DENND6A: variants seen among roughly 807,000 people sequenced by gnomAD.
DENND6A encodes the protein protein DENND6A.
A neutral mutation model predicts 95.5 loss-of-function variants in DENND6A; 43 were observed. That is an observed-to-expected ratio of 0.45 (90% confidence interval 0.35 to 0.58). The LOEUF is 0.58. Ranked by LOEUF, DENND6A falls within the 20% of genes least tolerant of loss-of-function variation. The probability of loss-of-function intolerance (pLI) is 0.00; values close to 1 mark genes in which losing one functional copy is unlikely to be tolerated. For synonymous variants in DENND6A, 257 were observed against 260.4 expected (o/e 0.99, Z 0.13); for missense variants, 574 against 736.0 (o/e 0.78, Z 2.55).
chr3:57,688,210 G>A (rs1047703767), intron 1 of DENND6A, among the ~76,000 whole-genome samples: 1 of 151,772 alleles, frequency 6.6e-6, no homozygotes, highest in Non-Finnish European at 1.5e-5. Flanking sequence ...TGGCTACGGC[G>A]GTCTCGAACT....
intron 15 of DENND6A, among the ~76,000 whole-genome samples, chr3:57,633,011 T>TTTC (rs1407004812): frequency 1.3e-5 from 2 of 152,148 alleles, no homozygotes; most frequent in Non-Finnish European, 2.9e-5. Context: ...AAAAGGTACT[T>TTTC]AGGAAAGTGG....
At chr3:57,643,124 T>A (rs2070987558) in intron 11 of DENND6A, among the ~76,000 whole-genome samples, 1 of 151,734 alleles carries the variant, frequency 6.6e-6, no homozygotes, top group Admixed American at 6.6e-5. Flanking sequence ...GCAGTAAGAC[T>A]GGAAAGGGAG....
Position 57,692,922 on chromosome 3 carries a change from C to A in DENND6A, c.97G>T (p.Val33Leu), listed in dbSNP as rs1328316869. The change falls in exon 1 of 20, where the codon GTG becomes TTG. Residue 33 changes from valine to leucine, a missense_variant. Val to Leu is a conservative substitution (Grantham distance 32). This residue lies in a region of DENND6A where 122 missense variants were observed against 105.1 expected (regional missense o/e 1.16). Transcript: ENST00000311128. ...TCCTCTGGCGCGCCTCCCGCCGCCA[C>A]AAGGGCCGGCGCCTCGCGGCCCTCG... Reference protein sequence around the residue: ...GAEGREAPALVAAGGAPEDDE... With the variant: ...GAEGREAPALLAAGGAPEDDE... The A allele has an allele frequency of 1.9e-6, 3 of 1,567,206 alleles. No individual in the cohort carries two copies. Among genetic ancestry groups the A allele is most frequent in the Non-Finnish European group, 8.6e-7 (1 of 1,162,702 alleles).
At chr3:57,632,082 C>G (rs536995206) in intron 15 of DENND6A, among the ~76,000 whole-genome samples, 1 of 145,374 alleles carries the variant, frequency 6.9e-6, no homozygotes, top group Admixed American at 7.1e-5. Context: ...TGCAGTGGCG[C>G]GATCTCAGCT....
intron 1 of DENND6A, among the ~76,000 whole-genome samples, chr3:57,689,943 A>T (rs2077245623): frequency 6.6e-6 from 1 of 151,580 alleles, no homozygotes; most frequent in Non-Finnish European, 1.5e-5. Context: ...GCATGTCTGT[A>T]TTCATAGATA....
At chr3:57,675,117 G>A (rs2071688843) in intron 1 of DENND6A, among the ~76,000 whole-genome samples, 2 of 152,130 alleles carry the variant, frequency 1.3e-5, no homozygotes, top group South Asian at 4.1e-4. Context: ...ACTTTTACAT[G>A]TACCCAGAAA....
At chr3:57,676,319 G>A (rs553800231) in intron 1 of DENND6A, among the ~76,000 whole-genome samples, 34 of 144,902 alleles carry the variant, frequency 2.3e-4, no homozygotes, top group Admixed American at 4.4e-4. Context: ...GGCAGAGGTT[G>A]CAGTGAGCTG....
chr3:57,653,123 A>G (rs1420419413), intron 9 of DENND6A, among the ~76,000 whole-genome samples: 1 of 152,232 alleles, frequency 6.6e-6, no homozygotes. Flanking sequence ...ATGGTTTGGG[A>G]AAAAAGTCTT....
intron 9 of DENND6A, 125 bp from the exon 10 acceptor site, chr3:57,646,563 G>T: frequency 7.7e-7 from 1 of 1,300,528 alleles, no homozygotes; most frequent in Non-Finnish European, 1.0e-6. Flanking sequence ...ATCCTGATCT[G>T]ATACACAAAT....
chr3:57,653,732 C>T (rs1192125965), intron 9 of DENND6A, among the ~76,000 whole-genome samples: 95 of 129,400 alleles, frequency 7.3e-4, no homozygotes, highest in African/African-American at 2.5e-3. Flanking sequence ...GGCGACAGAG[C>T]GAGACTCCAT....
intron 14 of DENND6A, among the ~76,000 whole-genome samples, chr3:57,633,714 C>A (rs1179206374): frequency 2.6e-5 from 4 of 151,968 alleles, no homozygotes; most frequent in African/African-American, 7.3e-5. Context: ...CATGGTGAAA[C>A]CCCGTCTCTA....
In DENND6A at chr3:57,671,317, G is replaced by A. The variant is rs376296288; in HGVS notation, c.319+939C>T. The stretch of plus-strand genomic sequence containing the variant: ...AGGTGGGCAGATCACGAGGTCAAGA[G>A]ATCGAGACCATCCTGGCTAACATGG... On this transcript the variant is annotated intron_variant, in intron 3 of 19. Transcript: ENST00000311128. 2.4e-4 allele frequency among the ~76,000 whole-genome samples: 36 copies of A among 152,268 alleles called. 2 individuals carry two copies. The South Asian group carries it at 7.0e-3, about 30-fold the overall frequency.
intron 9 of DENND6A, among the ~76,000 whole-genome samples, chr3:57,655,470 C>T (rs934131830): frequency 6.6e-6 from 1 of 152,142 alleles, no homozygotes; most frequent in Admixed American, 6.5e-5. Flanking sequence ...TTGAGCATCC[C>T]TAATGTGAAA....
In DENND6A at chr3:57,685,186, G is replaced by A. The variant is rs560655703; in HGVS notation, c.237+7596C>T. Among the ~76,000 whole-genome samples, 26 of 151,500 alleles carry A rather than the reference G, an allele frequency of 1.7e-4. No homozygotes were observed. In the East Asian group the frequency reaches 4.8e-3, roughly 28 times the overall value. ...GATCTGCCTGCCTCTGCCTCCCAAA[G>A]TGCTGGGATTACAGGCGTGAGCCAC... On this transcript the variant is annotated intron_variant, in intron 1 of 19. Coordinates refer to ENST00000311128, the MANE Select transcript of DENND6A (RefSeq NM_152678.3).
chr3:57,684,150 T>TC (rs2077190929), intron 1 of DENND6A, among the ~76,000 whole-genome samples: 1 of 7,666 alleles, frequency 1.3e-4, no homozygotes, highest in East Asian at 3.2e-3. Flanking sequence ...AGACTCCGTC[T>TC]CAAAAAAAAA....
At chr3:57,644,314 A>T (rs1421381474) in intron 11 of DENND6A, among the ~76,000 whole-genome samples, 15 of 151,642 alleles carry the variant, frequency 9.9e-5, no homozygotes, top group Admixed American at 8.6e-4. Flanking sequence ...TTACAAAAAA[A>T]TTTTTTTTGA....
intron 4 of DENND6A, 115 bp from the exon 5 acceptor site, chr3:57,663,831 T>C (rs2071478382): frequency 3.9e-6 from 2 of 514,232 alleles, no homozygotes; most frequent in African/African-American, 4.0e-5. Context: ...TAAACCCAAA[T>C]CAAGACATGA....
intron 1 of DENND6A, among the ~76,000 whole-genome samples, chr3:57,678,897 C>G (rs1575863717): frequency 1.3e-5 from 2 of 152,334 alleles, no homozygotes; most frequent in African/African-American, 4.8e-5. Context: ...TACTTGAGGC[C>G]AGGAGTGACC....
At chr3:57,676,375 TAA>T (rs35465829) in intron 1 of DENND6A, among the ~76,000 whole-genome samples, 71 of 87,360 alleles carry the variant, frequency 8.1e-4, no homozygotes, top group African/African-American at 2.6e-3. Flanking sequence ...TAAGATTATT[TAA>T]AAAAAAAAAA....
Sources: gnomAD v4.1 joint callset for allele counts (sites outside exome capture counted in the v4.1 genomes callset) on GRCh38, gnomAD v4.1.1 for gene constraint, gnomAD v4.1.1 regional missense constraint, MANE v1.5 for transcripts, NCBI Gene and HGNC (gene_info 2026-07-23, HGNC 2026-07-21) for gene names.